The following MTUS1 variants were observed in gnomAD, a reference collection of about 807,000 sequenced individuals.
MTUS1 encodes the protein microtubule-associated tumor suppressor 1.
Under a neutral mutation model 120.8 loss-of-function variants are expected in MTUS1, and 109 were observed. That is an observed-to-expected ratio of 0.90 (90% CI 0.77 to 1.06). The LOEUF (loss-of-function observed/expected upper bound fraction) is 1.06, where lower values mean the gene tolerates loss of function less well. MTUS1 is among the 50% of genes least tolerant of loss of function. MTUS1 has a pLI of 0.00. For missense variants in MTUS1, 2,210 were observed against 1,486.3 expected, an observed-to-expected ratio of 1.49 and a Z score of -8.01; for synonymous variants, 737 against 550.5, an observed-to-expected ratio of 1.34 and a Z score of -4.74.
At chr8:17,744,433 G>A (rs968832257) in intron 2 of MTUS1, among the ~76,000 whole-genome samples, 1 of 151,880 alleles carries the variant, frequency 6.6e-6, no homozygotes, top group African/African-American at 2.4e-5. Flanking sequence ...AACTTCTTTA[G>A]TTTTTTGACA....
At chr8:17,742,306 T>G (rs2047395477) in intron 3 of MTUS1, among the ~76,000 whole-genome samples, 1 of 144,418 alleles carries the variant, frequency 6.9e-6, no homozygotes, top group African/African-American at 2.6e-5. Context: ...TTTTTTTTTT[T>G]TTTTTAGAGA....
chr8:17,733,544 T>C (rs1009874371), intron 3 of MTUS1, among the ~76,000 whole-genome samples: 1 of 152,200 alleles, frequency 6.6e-6, no homozygotes, highest in African/African-American at 2.4e-5. Context: ...TAAAATAGCC[T>C]ACTGGGAAGA....
intron 6 of MTUS1, among the ~76,000 whole-genome samples, chr8:17,703,659 A>G (rs1819565839): frequency 1.3e-5 from 2 of 149,676 alleles, no homozygotes; most frequent in South Asian, 4.2e-4. Flanking sequence ...TGAGAGAGAT[A>G]CGCCCTGGTC....
Position 17,723,719 on chromosome 8 carries a change from G to GGGGT in MTUS1, c.2398_2401dup (p.Pro801HisfsTer10), listed in dbSNP as rs1563270175. 1.9e-6 allele frequency: 3 copies of GGGGT among 1,610,948 alleles called. No homozygotes were observed. The South Asian group carries it at 3.3e-5, about 18-fold the overall frequency. ...CTCACTGTGGGTGCTGGCTATTGAG[G>GGGGT]GGGTGCTTCCTGTCCTCCGCAGCGC... On this transcript the variant is annotated frameshift_variant, in exon 4 of 15. Coordinates refer to ENST00000693296, the MANE Select transcript of MTUS1 (RefSeq NM_001363059.2). LOFTEE classifies it high-confidence loss of function.
chr8:17,775,876 T>C (rs2050387177), intron 1 of MTUS1, among the ~76,000 whole-genome samples: 1 of 152,222 alleles, frequency 6.6e-6, no homozygotes, highest in African/African-American at 2.4e-5. Context: ...CTGAGTCGCA[T>C]GACTACGCAG....
intron 8 of MTUS1, among the ~76,000 whole-genome samples, chr8:17,669,654 T>C (rs1484109445): frequency 6.6e-6 from 1 of 152,158 alleles, no homozygotes; most frequent in Non-Finnish European, 1.5e-5. Context: ...GAGACCAGCC[T>C]GGCCAACATG....
chr8:17,686,058 C>A (rs1047319828), intron 6 of MTUS1, among the ~76,000 whole-genome samples: 5 of 152,198 alleles, frequency 3.3e-5, no homozygotes, highest in African/African-American at 4.8e-5. Flanking sequence ...GAAATTGTCA[C>A]ATAACACATA....
intron 3 of MTUS1, among the ~76,000 whole-genome samples, chr8:17,742,477 G>C (rs1284527243): frequency 2.6e-5 from 4 of 151,638 alleles, no homozygotes; most frequent in Non-Finnish European, 5.9e-5. Flanking sequence ...TCCCAAATAA[G>C]AATCACTCTT....
At chr8:17,798,558 C>A (rs763330955) in intron 1 of MTUS1, among the ~76,000 whole-genome samples, 1 of 152,118 alleles carries the variant, frequency 6.6e-6, no homozygotes, top group African/African-American at 2.4e-5. Context: ...GGTCTCGAAC[C>A]CCTGACCTCC....
intron 8 of MTUS1, among the ~76,000 whole-genome samples, chr8:17,656,708 G>C (rs17125012): frequency 6.6e-6 from 1 of 151,874 alleles, no homozygotes; most frequent in Admixed American, 6.6e-5. Context: ...TAGGACAAGC[G>C]ACTCCTCCCT....
At position 17,754,202 on chromosome 8, in the gene MTUS1, G is replaced by C. The variant is rs746924661; in HGVS notation, c.1606C>G (p.Gln536Glu). The change falls in exon 2 of 15, where the codon CAG (glutamine) becomes GAG (glutamate). Residue 536 changes from glutamine to glutamate, a missense_variant. Coordinates refer to ENST00000693296, the MANE Select transcript of MTUS1 (RefSeq NM_001363059.2). ...GATGAGGGTGATGAGGCACTGGTCT[G>C]CTGAGGTCTGGGCGTGACCTTTGAT... ...ALSKVTPRPQ[Q>E]TSASSPSSVN... 1.1e-5 allele frequency: 18 copies of C among 1,613,964 alleles called. No individual in the cohort carries two copies. In the South Asian group the frequency reaches 1.9e-4, roughly 17 times the overall value.
chr8:17,753,409 A>T (rs1040671427), intron 2 of MTUS1, among the ~76,000 whole-genome samples: 1 of 152,226 alleles, frequency 6.6e-6, no homozygotes, highest in Non-Finnish European at 1.5e-5. Flanking sequence ...ACCTGATTGT[A>T]TCAGGCACTT....
chr8:17,719,953 G>A (rs2045696405), intron 4 of MTUS1, among the ~76,000 whole-genome samples: 1 of 152,224 alleles, frequency 6.6e-6, no homozygotes, highest in Non-Finnish European at 1.5e-5. Context: ...GGACTTTGAA[G>A]ATGACCCAGT....
At chr8:17,768,205 C>CT (rs2049715014) in intron 1 of MTUS1, among the ~76,000 whole-genome samples, 1 of 152,170 alleles carries the variant, frequency 6.6e-6, no homozygotes, top group African/African-American at 2.4e-5. Flanking sequence ...AGGATTTACG[C>CT]TTTGAGTATA....
intron 6 of MTUS1, among the ~76,000 whole-genome samples, chr8:17,700,710 T>G (rs984908502): frequency 4.0e-5 from 6 of 151,816 alleles, no homozygotes; most frequent in African/African-American, 1.5e-4. Flanking sequence ...TCAAAAATCA[T>G]GCAGCCAGAA....
Position 17,645,662 on chromosome 8 carries a change from A to C in MTUS1, c.*264T>G. The C allele has an allele frequency of 2.8e-6, 1 of 353,954 alleles. No individual in the cohort carries two copies. Among genetic ancestry groups the C allele is most frequent in the East Asian group, 5.3e-5 (1 of 18,720 alleles). 21.9% of individuals were successfully genotyped at this position (353,954 alleles called of 1,614,324 possible). ...AATGAACAAGATGCTCTCGTTCTTTAAGTGCTTTGTGCAACAACGTCCGTG... is the reference window on the plus strand; with the variant it reads ...AATGAACAAGATGCTCTCGTTCTTTCAGTGCTTTGTGCAACAACGTCCGTG... On this transcript the variant is annotated 3_prime_UTR_variant, in exon 15 of 15. Coordinates refer to ENST00000693296, the MANE Select transcript of MTUS1 (RefSeq NM_001363059.2).
At chr8:17,773,899 A>T (rs1238688568) in intron 1 of MTUS1, among the ~76,000 whole-genome samples, 1 of 152,130 alleles carries the variant, frequency 6.6e-6, no homozygotes, top group Non-Finnish European at 1.5e-5. Context: ...AGCATTTCTG[A>T]GGTGGAAGCC....
chr8:17,664,026 T>G (rs1786942177), intron 8 of MTUS1: 1 of 152,260 alleles, frequency 6.6e-6, no homozygotes, highest in Admixed American at 6.5e-5. Flanking sequence ...GTATAACTGT[T>G]ACGGCTTGCA....
intron 1 of MTUS1, among the ~76,000 whole-genome samples, chr8:17,756,184 G>C (rs1162628698): frequency 6.6e-6 from 1 of 152,060 alleles, no homozygotes; most frequent in Non-Finnish European, 1.5e-5. Flanking sequence ...TGGAAGATGG[G>C]GTCATTGCTC....
Sources: gnomAD v4.1 joint callset for allele counts (sites outside exome capture counted in the v4.1 genomes callset) on GRCh38, gnomAD v4.1.1 for gene constraint, MANE v1.5 for transcripts, NCBI Gene and HGNC (gene_info 2026-07-23, HGNC 2026-07-21) for gene names.